CHEK2: variants seen among roughly 807,000 people sequenced by gnomAD.
CHEK2 encodes checkpoint kinase 2.
In CHEK2, 71 loss-of-function variants were observed where a neutral mutation model predicts 69.1. That is an observed-to-expected ratio of 1.03 (90% CI 0.85 to 1.25). The LOEUF is 1.25. Among genes scored for constraint, CHEK2 ranks in the 50% most tolerant of loss-of-function variants. CHEK2 has a pLI of 0.00. For synonymous variants in CHEK2, 189 were observed against 226.9 expected (o/e 0.83, Z 1.50); for missense variants, 664 against 649.6 (o/e 1.02, Z -0.24).
intron 7 of CHEK2, among the ~76,000 whole-genome samples, chr22:28,708,361 A>ATGTCTGTGTG (rs200869651): frequency 9.6e-6 from 1 of 104,384 alleles, no homozygotes; most frequent in Non-Finnish European, 2.0e-5. Context: ...GTCTCTAAAA[A>ATGTCTGTGTG]TATGTGTGTG....
intron 9 of CHEK2, among the ~76,000 whole-genome samples, chr22:28,698,716 C>G (rs2052693407): frequency 6.6e-6 from 1 of 152,188 alleles, no homozygotes; most frequent in Non-Finnish European, 1.5e-5. Flanking sequence ...GTGCCACCAG[C>G]TATTCTTTCA....
At chr22:28,708,525 T>A (rs2053256792) in intron 7 of CHEK2, among the ~76,000 whole-genome samples, 1 of 151,998 alleles carries the variant, frequency 6.6e-6, no homozygotes, top group Non-Finnish European at 1.5e-5. Context: ...TCATAGGTTT[T>A]CAGGTCCACT....
chr22:28,727,108 C>G (rs998531354), intron 2 of CHEK2, among the ~76,000 whole-genome samples: 7 of 152,148 alleles, frequency 4.6e-5, no homozygotes, highest in African/African-American at 9.7e-5. Context: ...GTGGCGCGAT[C>G]TCGGCTCACT....
rs780920036 is a variant in CHEK2, at chr22:28,734,698, C to A, written c.24G>T (p.Glu8Asp). Residue 8 changes from glutamate (E) to aspartate (D), a missense_variant, in exon 2 of 15, where the codon GAG (glutamate) becomes GAT (aspartate). By Grantham distance (45) the Glu-to-Asp change is conservative (BLOSUM62 2). Coordinates refer to ENST00000404276, the MANE Select transcript of CHEK2 (RefSeq NM_007194.4). Reference protein sequence around the residue: MSRESDVEAQQSHGSSAC... With the variant: MSRESDVDAQQSHGSSAC... ...CACTGCTGCCATGAGACTGCTGAGC[C>A]TCAACATCCGACTCCCGAGACATCA... 3.7e-6 allele frequency: 6 copies of A among 1,613,362 alleles called. No individual in the cohort carries two copies. The African/African-American group carries it at 8.0e-5, about 22-fold the overall frequency.
chr22:28,707,853 G>A (rs1482561144), intron 7 of CHEK2, among the ~76,000 whole-genome samples: 1 of 19,016 alleles, frequency 5.3e-5, no homozygotes, highest in Non-Finnish European at 1.1e-4. Flanking sequence ...TTTTTTTTTT[G>A]TGAGACGGAG....
intron 5 of CHEK2, among the ~76,000 whole-genome samples, chr22:28,714,287 T>C (rs921400329): frequency 6.6e-6 from 1 of 152,234 alleles, no homozygotes; most frequent in African/African-American, 2.4e-5. Context: ...TATCTCATTG[T>C]GGTTTTGATT....
At chr22:28,712,894 A>G (rs1460721436) in intron 5 of CHEK2, among the ~76,000 whole-genome samples, 3 of 152,220 alleles carry the variant, frequency 2.0e-5, no homozygotes, top group Non-Finnish European at 4.4e-5. Flanking sequence ...TTCTACAACC[A>G]TCAGCATCTA....
At position 28,734,616 on chromosome 22, in the gene CHEK2, G is replaced by A. The variant is rs2146151890; in HGVS notation, c.106C>T (p.Gln36Ter). Reference sequence around the variant, plus strand: ...CTGGTAGAGGAGCTGGATATGCCCTGGGACTGTGAGGAGGAGCCTTGGGAC... The same window carrying A: ...CTGGTAGAGGAGCTGGATATGCCCTAGGACTGTGAGGAGGAGCCTTGGGAC... Reference protein sequence around the residue: ...TQSQGSSSQSQGISSSSTSTM... With the variant: ...TQSQGSSSQS The change falls in exon 2 of 15, where the codon CAG becomes TAG. Residue 36 changes from glutamine (Q) to a stop codon, truncating the protein, a stop_gained. Coordinates refer to ENST00000404276, the MANE Select transcript of CHEK2 (RefSeq NM_007194.4). LOFTEE classifies it high-confidence loss of function. The A allele has an allele frequency of 6.2e-7, 1 of 1,613,944 alleles. No individual in the cohort carries two copies. Among genetic ancestry groups the A allele is most frequent in the Non-Finnish European group, 8.5e-7 (1 of 1,180,014 alleles).
At chr22:28,732,850 G>T (rs1293073042) in intron 2 of CHEK2, among the ~76,000 whole-genome samples, 2 of 152,014 alleles carry the variant, frequency 1.3e-5, no homozygotes, top group East Asian at 3.9e-4. Context: ...GGAGTGCAGT[G>T]GTGCAATCCT....
At chr22:28,730,086 G>C (rs1288137595) in intron 2 of CHEK2, among the ~76,000 whole-genome samples, 1 of 149,802 alleles carries the variant, frequency 6.7e-6, no homozygotes, top group Non-Finnish European at 1.5e-5. Context: ...CTTGTGATCC[G>C]CCCACCTCAG....
At chr22:28,713,362 CTT>C (rs200104960) in intron 5 of CHEK2, among the ~76,000 whole-genome samples, 21 of 140,692 alleles carry the variant, frequency 1.5e-4, no homozygotes, top group Non-Finnish European at 1.1e-4. Context: ...TACAAGTTTT[CTT>C]TTTTTTTTTT....
At chr22:28,738,996 C>T (rs151165475) in intron 1 of CHEK2, among the ~76,000 whole-genome samples, 5 of 152,238 alleles carry the variant, frequency 3.3e-5, no homozygotes, top group East Asian at 3.9e-4. Flanking sequence ...AAGCCAGGCA[C>T]GGTGCCTCAC....
chr22:28,690,982 G>A (rs1425537037), intron 13 of CHEK2, among the ~76,000 whole-genome samples: 10 of 152,180 alleles, frequency 6.6e-5, no homozygotes, highest in African/African-American at 9.6e-5. Context: ...GATCACTTGA[G>A]GTCACTCTGT....
chr22:28,728,543 A>G (rs1282695696), intron 2 of CHEK2, among the ~76,000 whole-genome samples: 2 of 151,080 alleles, frequency 1.3e-5, no homozygotes, highest in Non-Finnish European at 2.9e-5. Flanking sequence ...AAAACAAAAC[A>G]AAAAAAAATT....
intron 2 of CHEK2, among the ~76,000 whole-genome samples, chr22:28,728,377 C>T (rs918828804): frequency 6.6e-6 from 1 of 152,052 alleles, no homozygotes; most frequent in Non-Finnish European, 1.5e-5. Flanking sequence ...ACTACCAAAA[C>T]TAACACAAGA....
intron 8 of CHEK2, among the ~76,000 whole-genome samples, chr22:28,700,978 G>A (rs959105544): frequency 6.6e-6 from 1 of 151,958 alleles, no homozygotes; most frequent in Non-Finnish European, 1.5e-5. Flanking sequence ...TAGTAGAGAT[G>A]CGGTTTCTCC....
chr22:28,700,563 G>A (rs546204072), intron 8 of CHEK2, among the ~76,000 whole-genome samples: 2 of 152,174 alleles, frequency 1.3e-5, no homozygotes, highest in African/African-American at 4.8e-5. Flanking sequence ...TGAGACTGAT[G>A]TAGAAGAGCA....
intron 11 of CHEK2, 23 bp downstream of exon 11, chr22:28,695,687 G>A (rs1440097641): frequency 3.1e-6 from 5 of 1,608,964 alleles, no homozygotes; most frequent in South Asian, 2.2e-5. Flanking sequence ...ACCAGTCTGT[G>A]CAGCAATGAA....
chr22:28,721,281 GTTTTTTTTT>G (rs755378917), intron 4 of CHEK2, among the ~76,000 whole-genome samples: 1 of 109,948 alleles, frequency 9.1e-6, no homozygotes, highest in Non-Finnish European at 1.8e-5. Flanking sequence ...GTTTGTTTGG[GTTTTTTTTT>G]TTTTTTTTTT....
Sources: gnomAD v4.1 joint callset for allele counts (sites outside exome capture counted in the v4.1 genomes callset) on GRCh38, gnomAD v4.1.1 for gene constraint, MANE v1.5 for transcripts, NCBI Gene and HGNC (gene_info 2026-07-23, HGNC 2026-07-21) for gene names.